Variants in CSMD3 observed in about 807,000 individuals in gnomAD.
CSMD3 encodes the protein CUB and sushi domain-containing protein 3.
In CSMD3, 177 loss-of-function variants were observed where a neutral mutation model predicts 435.2. The ratio of observed to expected loss-of-function variants is 0.41; its 90% confidence interval spans 0.36 to 0.46. The LOEUF is 0.46. Ranked by LOEUF, CSMD3 falls within the 20% of genes least tolerant of loss-of-function variation. CSMD3 has a pLI of 0.34. For missense variants in CSMD3, 4,265 were observed against 4,504.6 expected (o/e 0.95, Z 1.52); for synonymous variants, 1,656 against 1,520.5 (o/e 1.09, Z -2.07).
At chr8:112,816,880 T>G (rs943036657) in intron 12 of CSMD3, among the ~76,000 whole-genome samples, 18 of 151,778 alleles carry the variant, frequency 1.2e-4, no homozygotes, top group African/African-American at 4.3e-4. Context: ...GTGTTTAAAA[T>G]TAAAAGGAGA....
chr8:113,376,142 T>C (rs537414073), intron 1 of CSMD3, among the ~76,000 whole-genome samples: 46 of 152,288 alleles, frequency 3.0e-4, no homozygotes, highest in African/African-American at 1.1e-3. Context: ...TATAAATTTG[T>C]TCATTTGAAC....
intron 1 of CSMD3, among the ~76,000 whole-genome samples, chr8:113,408,872 C>T (rs1219582352): frequency 6.6e-6 from 1 of 151,924 alleles, no homozygotes; most frequent in African/African-American, 2.4e-5. Context: ...GCCATGTTGA[C>T]CAGGCTGCTC....
intron 22 of CSMD3, among the ~76,000 whole-genome samples, chr8:112,602,835 G>T (rs907360196): frequency 2.0e-5 from 3 of 152,088 alleles, no homozygotes; most frequent in Non-Finnish European, 4.4e-5. Flanking sequence ...CTTCCAAGAT[G>T]AATCAAATGT....
At chr8:112,725,560 A>G (rs1218523044) in intron 13 of CSMD3, among the ~76,000 whole-genome samples, 4 of 152,032 alleles carry the variant, frequency 2.6e-5, no homozygotes, top group Admixed American at 2.6e-4. Context: ...GTGGTATAAC[A>G]TCTACAAATG....
intron 38 of CSMD3, among the ~76,000 whole-genome samples, chr8:112,363,353 C>T (rs1275124353): frequency 6.6e-6 from 1 of 151,942 alleles, no homozygotes; most frequent in Non-Finnish European, 1.5e-5. Flanking sequence ...GTATACTTTT[C>T]TTCTTGTCAC....
chr8:113,223,111 A>G (rs948028787), intron 3 of CSMD3, among the ~76,000 whole-genome samples: 1 of 150,558 alleles, frequency 6.6e-6, no homozygotes, highest in African/African-American at 2.4e-5. Flanking sequence ...GGTCATTTTA[A>G]TATTTACTCA....
intron 13 of CSMD3, among the ~76,000 whole-genome samples, chr8:112,760,788 G>A (rs772554712): frequency 7.9e-5 from 12 of 152,120 alleles, no homozygotes; most frequent in Non-Finnish European, 1.5e-4. Context: ...AGCCAGGCCA[G>A]TGCTGCTCTT....
intron 12 of CSMD3, among the ~76,000 whole-genome samples, chr8:112,822,593 T>G (rs2079557532): frequency 6.6e-6 from 1 of 152,190 alleles, no homozygotes; most frequent in African/African-American, 2.4e-5. Context: ...TCATGTCATC[T>G]GCAGAGACAA....
intron 3 of CSMD3, among the ~76,000 whole-genome samples, chr8:113,195,291 G>C (rs1401972120): frequency 2.0e-5 from 3 of 147,720 alleles, no homozygotes; most frequent in Non-Finnish European, 4.5e-5. Flanking sequence ...AAATACATGT[G>C]ATGTTGAAGT....
At chr8:112,772,636 G>A (rs7838383) in intron 13 of CSMD3, among the ~76,000 whole-genome samples, 59 of 152,070 alleles carry the variant, frequency 3.9e-4, no homozygotes, top group Non-Finnish European at 7.5e-4. Flanking sequence ...AGGAAGGAAC[G>A]CCTCTTTGTA....
At chr8:112,662,090 C>T (rs113397997) in intron 17 of CSMD3, among the ~76,000 whole-genome samples, 13 of 152,082 alleles carry the variant, frequency 8.5e-5, no homozygotes, top group African/African-American at 2.9e-4. Flanking sequence ...AAAATGGCCA[C>T]ACTGCCCAAG....
At chr8:112,859,371 A>C in intron 10 of CSMD3, 105 bp from the exon 11 acceptor site, 1 of 920,848 alleles carries the variant, frequency 1.1e-6, no homozygotes, top group East Asian at 2.7e-5. Flanking sequence ...ACACAATTAT[A>C]ACCACATTGA....
chr8:112,338,100 A>G (rs748893096), intron 42 of CSMD3, among the ~76,000 whole-genome samples: 1 of 152,212 alleles, frequency 6.6e-6, no homozygotes, highest in African/African-American at 2.4e-5. Context: ...TTACAAGCAC[A>G]CAGAATGCAA....
intron 3 of CSMD3, among the ~76,000 whole-genome samples, chr8:113,251,411 T>G (rs1361265347): frequency 6.6e-6 from 1 of 152,072 alleles, no homozygotes; most frequent in African/African-American, 2.4e-5. Flanking sequence ...AGGAAAATGA[T>G]GAGACACAGA....
intron 4 of CSMD3, among the ~76,000 whole-genome samples, chr8:113,163,673 T>C (rs989271913): frequency 3.3e-5 from 5 of 152,062 alleles, no homozygotes; most frequent in Non-Finnish European, 7.4e-5. Flanking sequence ...TCCAAATGTA[T>C]GAATTAACAA....
At position 112,682,531 on chromosome 8, in the gene CSMD3, C is replaced by T. The variant is rs2131785935; in HGVS notation, c.2588G>A (p.Gly863Glu). ...GSSISVICEE[G>E]FIKTQGTETI... is the part of the protein sequence containing the mutation. ...TTCTGTTCCCTGGGTTTTAATAAAT[C>T]CTTCTTCACAAATAACTGAAATTGA... The change falls in exon 16 of 71, where the codon GGA becomes GAA. Residue 863 changes from glycine (G) to glutamate (E), a missense_variant. By Grantham distance (98) the Gly-to-Glu change is moderately conservative. Around this residue, in one of 3 missense-constraint regions of CSMD3, gnomAD observed 279 missense variants for 369.0 expected, o/e 0.76. Coordinates refer to ENST00000297405, the MANE Select transcript of CSMD3 (RefSeq NM_198123.2). 5 of 1,613,542 alleles carry T rather than the reference C, an allele frequency of 3.1e-6. No individual in the cohort carries two copies. Among genetic ancestry groups the T allele is most frequent in the Non-Finnish European group, 3.4e-6 (4 of 1,179,596 alleles).
At chr8:112,874,423 C>T (rs969423638) in intron 10 of CSMD3, among the ~76,000 whole-genome samples, 6 of 151,934 alleles carry the variant, frequency 3.9e-5, no homozygotes, top group South Asian at 2.1e-4. Context: ...CTATTAGGTC[C>T]GCTTGGTTCA....
intron 10 of CSMD3, among the ~76,000 whole-genome samples, chr8:112,907,477 C>T (rs774147629): frequency 5.3e-5 from 8 of 151,200 alleles, no homozygotes; most frequent in African/African-American, 7.3e-5. Context: ...ATTTACTTGA[C>T]GTGTTTTCTC....
At chr8:112,429,852 TAAA>T (rs1813474825) in intron 32 of CSMD3, among the ~76,000 whole-genome samples, 2 of 151,998 alleles carry the variant, frequency 1.3e-5, no homozygotes, top group Non-Finnish European at 2.9e-5. Flanking sequence ...CTTTTTTTAA[TAAA>T]AACTTAAAGT....
Sources: gnomAD v4.1 joint callset for allele counts (sites outside exome capture counted in the v4.1 genomes callset) on GRCh38, gnomAD v4.1.1 for gene constraint, gnomAD v4.1.1 regional missense constraint, MANE v1.5 for transcripts, NCBI Gene and HGNC (gene_info 2026-07-23, HGNC 2026-07-21) for gene names.